GALC: variants seen among roughly 807,000 people sequenced by gnomAD.
The protein encoded by GALC is galactosylceramidase.
A neutral mutation model predicts 91.8 loss-of-function variants in GALC; 77 were observed. The observed-to-expected ratio is 0.84, with a 90% CI of 0.70 to 1.01. GALC has a LOEUF of 1.01. GALC is among the 50% of genes least tolerant of loss of function. The pLI, the probability that GALC is intolerant of heterozygous loss-of-function variation, is 0.00. For missense variants in GALC, 882 were observed against 855.9 expected, an observed-to-expected ratio of 1.03 and a Z score of -0.38; for synonymous variants, 357 against 306.7, an observed-to-expected ratio of 1.16 and a Z score of -1.71.
chr14:87,946,377 G>A (rs1025931543), intron 13 of GALC, among the ~76,000 whole-genome samples: 2 of 152,016 alleles, frequency 1.3e-5, no homozygotes, highest in African/African-American at 2.4e-5. Flanking sequence ...AATAATGAAT[G>A]CTGTAGAGGA....
chr14:87,972,031 C>T (rs1394718055), intron 7 of GALC, among the ~76,000 whole-genome samples: 1 of 151,994 alleles, frequency 6.6e-6, no homozygotes, highest in Non-Finnish European at 1.5e-5. Flanking sequence ...AGGCCAAGCA[C>T]AACATGAATG....
At chr14:87,934,901 C>T in intron 16 of GALC, 23 bp from the exon 17 acceptor site, 1 of 1,546,378 alleles carries the variant, frequency 6.5e-7, no homozygotes, top group Non-Finnish European at 8.9e-7. Context: ...GAAACACATT[C>T]CTTGAAACCA....
chr14:87,975,364 G>T (rs1566999432), intron 7 of GALC, among the ~76,000 whole-genome samples: 2 of 151,744 alleles, frequency 1.3e-5, no homozygotes, highest in African/African-American at 4.8e-5. Context: ...AATGGATCTA[G>T]ATTCAATCAA....
chr14:87,992,848 G>A (rs1887266767), intron 1 of GALC, 122 bp downstream of exon 1: 3 of 1,404,444 alleles, frequency 2.1e-6, no homozygotes, highest in Middle Eastern at 2.6e-4. Context: ...TGGCACCCTA[G>A]GGGAATGCGG....
At position 87,986,500 on chromosome 14, in the gene GALC, AT is replaced by A. The variant is rs775277935; in HGVS notation, c.430del (p.Ile144LeufsTer27). ...MKEAKKRNPNITLIGLPWSFP... is the reference protein window; with the variant it reads ...MKEAKKRNPNXTLIGLPWSFP... ...ACTTCATTTCTTACCAATGAGTGTA[AT>A]ATTGGGATTCCTCTTCTTAGCTTCT... On this transcript the variant is annotated frameshift_variant, in exon 4 of 17. Transcript: ENST00000261304. LOFTEE classifies it high-confidence loss of function. The A allele has an allele frequency of 8.8e-6, 14 of 1,585,586 alleles. No individual in the cohort carries two copies. Among genetic ancestry groups the A allele is most frequent in the Non-Finnish European group, 1.2e-5 (14 of 1,154,252 alleles).
chr14:87,968,239 A>T, intron 8 of GALC, 96 bp downstream of exon 8: 1 of 1,025,046 alleles, frequency 9.8e-7, no homozygotes. Flanking sequence ...CAATCATTGA[A>T]TCTAGGCTGG....
chr14:87,993,206 C>T (rs928305028), upstream of GALC: 6 of 1,553,530 alleles, frequency 3.9e-6, no homozygotes, highest in Non-Finnish European at 3.5e-6. Context: ...AGGCGGGTCC[C>T]GTCGCCGCCA....
At chr14:87,971,202 C>A (rs1262759552) in intron 7 of GALC, among the ~76,000 whole-genome samples, 2 of 152,088 alleles carry the variant, frequency 1.3e-5, no homozygotes, top group Non-Finnish European at 2.9e-5. Context: ...GGGACTCTCC[C>A]CAGGAGCCTC....
rs2139925378 is a variant in GALC, at chr14:87,934,721, CCT to C, written c.*9_*10del. The C allele has an allele frequency of 1.2e-6, 2 of 1,612,876 alleles. No individual in the cohort carries two copies. Among genetic ancestry groups the C allele is most frequent in the Non-Finnish European group, 1.7e-6 (2 of 1,179,324 alleles). On this transcript the variant is annotated 3_prime_UTR_variant, in exon 17 of 17. Coordinates refer to ENST00000261304, the MANE Select transcript of GALC (RefSeq NM_000153.4). ...GAAAATCCAGAGTATTCTATGATGC[CCT>C]GTTAAGTATTAGCGTGTGGCTTCCA...
At chr14:87,992,824 A>C (rs1434971778) in intron 1 of GALC, 146 bp downstream of exon 1, 1 of 1,402,214 alleles carries the variant, frequency 7.1e-7, no homozygotes, top group African/African-American at 1.5e-5. Flanking sequence ...GGCCCGCCCC[A>C]ACCGCCTGCT....
chr14:87,966,490 C>T (rs1886059644), intron 8 of GALC, among the ~76,000 whole-genome samples: 1 of 150,028 alleles, frequency 6.7e-6, no homozygotes, highest in Non-Finnish European at 1.5e-5. Flanking sequence ...CCTATCAAGT[C>T]CTCATCCAGT....
At chr14:87,991,072 A>G (rs1296475384) in intron 1 of GALC, among the ~76,000 whole-genome samples, 1 of 152,240 alleles carries the variant, frequency 6.6e-6, no homozygotes. Flanking sequence ...AGTGAGGCAG[A>G]GAGGAGTTAT....
chr14:87,985,145 CTGAT>C (rs1198243380), intron 4 of GALC, among the ~76,000 whole-genome samples: 1 of 151,882 alleles, frequency 6.6e-6, no homozygotes, highest in African/African-American at 2.4e-5. Context: ...TCCAATAATC[CTGAT>C]TATGTTTAAG....
intron 16 of GALC, among the ~76,000 whole-genome samples, chr14:87,935,476 T>G (rs1047816512): frequency 6.6e-6 from 1 of 152,086 alleles, no homozygotes; most frequent in Non-Finnish European, 1.5e-5. Flanking sequence ...AAAGTGATGC[T>G]GGAGTAGGGT....
chr14:87,953,388 AT>A, intron 10 of GALC: 1 of 1,434,352 alleles, frequency 7.0e-7, no homozygotes, highest in South Asian at 1.1e-5. Flanking sequence ...TTACAGAAGC[AT>A]ATGAAAGTGG....
At chr14:87,953,777 G>A (rs1885405780) in intron 10 of GALC, 2 of 1,604,650 alleles carry the variant, frequency 1.2e-6, no homozygotes, top group South Asian at 2.2e-5. Flanking sequence ...ATTAAAAAAA[G>A]TCATTAATAA....
chr14:87,990,550 T>C (rs529719765), intron 1 of GALC, among the ~76,000 whole-genome samples: 2 of 152,342 alleles, frequency 1.3e-5, no homozygotes, highest in South Asian at 2.1e-4. Flanking sequence ...AATATTAAAA[T>C]AGGCACTCTT....
At chr14:87,979,935 C>T (rs1886665563) in intron 6 of GALC, among the ~76,000 whole-genome samples, 1 of 152,100 alleles carries the variant, frequency 6.6e-6, no homozygotes, top group Non-Finnish European at 1.5e-5. Flanking sequence ...ATTAATAGCT[C>T]CACTGCCCCA....
chr14:87,992,766 T>G, intron 1 of GALC: 2 of 1,416,666 alleles, frequency 1.4e-6, no homozygotes, highest in Non-Finnish European at 1.8e-6. Flanking sequence ...CCTAACTGCC[T>G]GTCTGGTTCG....
Sources: allele counts gnomAD v4.1 joint callset (sites outside exome capture counted in the v4.1 genomes callset), GRCh38; gene constraint gnomAD v4.1.1; transcripts MANE v1.5; gene names NCBI Gene and HGNC (gene_info 2026-07-23, HGNC 2026-07-21).